Variants in TRDMT1 observed in about 807,000 individuals in gnomAD.
The protein encoded by TRDMT1 is tRNA aspartic acid methyltransferase 1.
TRDMT1 carries 49 observed loss-of-function variants against 51.2 expected under a neutral mutation model. The ratio of observed to expected loss-of-function variants is 0.96; its 90% CI spans 0.76 to 1.21. The LOEUF is 1.21. Among genes scored for constraint, TRDMT1 ranks in the 50% most tolerant of loss-of-function variants. The probability of loss-of-function intolerance (pLI) is 0.00; values close to 1 mark genes in which losing one functional copy is unlikely to be tolerated. For missense variants in TRDMT1, 534 were observed against 462.3 expected (o/e 1.16, Z -1.42); for synonymous variants, 187 against 164.6 (o/e 1.14, Z -1.04).
At chr10:17,195,267 G>A (rs996021899) in intron 1 of TRDMT1, among the ~76,000 whole-genome samples, 27 of 152,206 alleles carry the variant, frequency 1.8e-4, no homozygotes, top group South Asian at 8.3e-4. Context: ...GGAATACTAC[G>A]CAGCCATAAA....
In TRDMT1 at chr10:17,181,539, A is replaced by T. The variant is rs956808755; in HGVS notation, c.65-6879T>A. Among the ~76,000 whole-genome samples, 8 of 152,044 alleles carry T rather than the reference A, an allele frequency of 5.3e-5. 1 individual carries two copies. The highest frequency in any genetic ancestry group is 7.4e-5 in the Non-Finnish European group (5 of 67,970). Reference sequence around the variant, plus strand: ...AAGTGAATTATACTTCCTAAAATCAACTCCAGATTATTACTGATTACCCTC... The same window carrying T: ...AAGTGAATTATACTTCCTAAAATCATCTCCAGATTATTACTGATTACCCTC... On this transcript the variant is annotated intron_variant, in intron 1 of 10. Transcript: ENST00000377799.
chr10:17,156,675 A>T lies in TRDMT1; in HGVS notation c.887+766T>A, dbSNP rs115947225. On this transcript the variant is annotated intron_variant, in intron 8 of 10. Coordinates refer to ENST00000377799, the MANE Select transcript of TRDMT1 (RefSeq NM_004412.7). ...AGGTAACCAGTAAAGTAAATTATAT[A>T]ATATACCTACACCATGAAAACAGAA... 6.0e-3 allele frequency among the ~76,000 whole-genome samples: 909 copies of T among 152,316 alleles called. 5 individuals carry two copies. Among genetic ancestry groups the T allele is most frequent in the African/African-American group, 0.021 (858 of 41,568 alleles).
intron 1 of TRDMT1, among the ~76,000 whole-genome samples, chr10:17,188,014 T>C (rs1056475056): frequency 2.3e-4 from 35 of 152,280 alleles, no homozygotes; most frequent in African/African-American, 8.2e-4. Flanking sequence ...ATTACTATTT[T>C]TACATTAAAA....
intron 8 of TRDMT1, 42 bp from the exon 9 acceptor site, chr10:17,154,776 T>C (rs781581334): frequency 6.6e-7 from 1 of 1,522,866 alleles, no homozygotes; most frequent in Non-Finnish European, 8.9e-7. Flanking sequence ...CTGATGTATG[T>C]GTTAATGCTA....
chr10:17,160,163 A>G (rs1342151968), intron 6 of TRDMT1, 142 bp downstream of exon 6: 7 of 447,396 alleles, frequency 1.6e-5, no homozygotes, highest in Non-Finnish European at 2.7e-5. Flanking sequence ...TTTGGGAAGG[A>G]AGACCCATAA....
chr10:17,142,895 A>G lies in TRDMT1; in HGVS notation c.*6145T>C, dbSNP rs1837798361. On this transcript the variant is annotated 3_prime_UTR_variant, in exon 11 of 11. Coordinates refer to ENST00000377799, the MANE Select transcript of TRDMT1 (RefSeq NM_004412.7). ...ATTCCTCTTGCATTATTTTATAATT[A>G]TACTTACCCAGAGTTTATAATTACA... The G allele has an allele frequency of 1.3e-6, 1 of 759,190 alleles. No homozygotes were observed. The highest frequency in any genetic ancestry group is 1.6e-6 in the Non-Finnish European group (1 of 623,438). The allele number at this position is 759,190 out of a possible 1,614,324, so 47.0% of individuals were successfully genotyped here.
chr10:17,173,985 G>C (rs1276469515), intron 2 of TRDMT1, among the ~76,000 whole-genome samples: 2 of 152,070 alleles, frequency 1.3e-5, no homozygotes, highest in Non-Finnish European at 2.9e-5. Flanking sequence ...GGCTGGTCTC[G>C]AACTCATAAC....
chr10:17,192,127 AGGTGAAAAT>A (rs998211760), intron 1 of TRDMT1, among the ~76,000 whole-genome samples: 1 of 152,192 alleles, frequency 6.6e-6, no homozygotes, highest in African/African-American at 2.4e-5. Context: ...CAGGTGGTAA[AGGTGAAAAT>A]GGAGAGAAAT....
intron 1 of TRDMT1, among the ~76,000 whole-genome samples, chr10:17,180,781 G>T (rs1184937613): frequency 1.3e-5 from 2 of 151,908 alleles, no homozygotes; most frequent in Non-Finnish European, 2.9e-5. Context: ...AAACTACCTA[G>T]CAAAATGCTA....
chr10:17,173,522 T>C (rs966290949), intron 2 of TRDMT1, among the ~76,000 whole-genome samples: 1 of 152,166 alleles, frequency 6.6e-6, no homozygotes, highest in Admixed American at 6.5e-5. Context: ...AGCAGATCCA[T>C]TGTCGCCTGG....
chr10:17,170,493 A>C (rs1445452495), intron 2 of TRDMT1, among the ~76,000 whole-genome samples: 1 of 152,224 alleles, frequency 6.6e-6, no homozygotes, highest in Non-Finnish European at 1.5e-5. Context: ...TCCTGTATTG[A>C]CTGGCAGGTG....
chr10:17,148,961 T>C lies in TRDMT1; in HGVS notation c.*79A>G, dbSNP rs1838348675. ...TAATTTAGTTAAATTTCACCAGAAT[T>C]AGTTCAAAACAGAATTTCAGAATTA... On this transcript the variant is annotated 3_prime_UTR_variant, in exon 11 of 11. Transcript: ENST00000377799. The C allele has an allele frequency of 7.0e-7, 1 of 1,435,138 alleles. No homozygotes were observed. Among genetic ancestry groups the C allele is most frequent in the African/African-American group, 1.4e-5 (1 of 69,058 alleles). The allele number at this position is 1,435,138 out of a possible 1,614,324, so 88.9% of individuals were successfully genotyped here.
chr10:17,149,104 C>A lies in TRDMT1; in HGVS notation c.1112G>T (p.Arg371Leu), dbSNP rs1165127794. Residue 371 changes from arginine to leucine, a missense_variant, in exon 11 of 11, where the codon CGC becomes CTC. Coordinates refer to ENST00000377799, the MANE Select transcript of TRDMT1 (RefSeq NM_004412.7). Reference protein sequence around the residue: ...PEKITVKQRYRLLGNSLNVHV... With the variant: ...PEKITVKQRYLLLGNSLNVHV... Reference sequence around the variant, plus strand: ...CACGTTGAGACTATTTCCAAGTAGGCGATAACGCTGTTTCACTGTTATCTT... The same window carrying A: ...CACGTTGAGACTATTTCCAAGTAGGAGATAACGCTGTTTCACTGTTATCTT... 2.5e-6 allele frequency: 4 copies of A among 1,610,968 alleles called. No individual in the cohort carries two copies. Among genetic ancestry groups the A allele is most frequent in the Non-Finnish European group, 3.4e-6 (4 of 1,178,918 alleles).
At chr10:17,198,939 A>C (rs1233715371) in intron 1 of TRDMT1, among the ~76,000 whole-genome samples, 1 of 152,218 alleles carries the variant, frequency 6.6e-6, no homozygotes, top group Non-Finnish European at 1.5e-5. Flanking sequence ...TAGTAGTTCT[A>C]ACCAGAACAA....
intron 3 of TRDMT1, among the ~76,000 whole-genome samples, chr10:17,166,682 GTTC>G (rs1429642174): frequency 2.0e-5 from 3 of 152,146 alleles, no homozygotes; most frequent in Non-Finnish European, 2.9e-5. Flanking sequence ...GAAATCTTCA[GTTC>G]TTATTTGTCC....
chr10:17,149,759 CT>C (rs1838450343), intron 10 of TRDMT1, among the ~76,000 whole-genome samples: 1 of 152,088 alleles, frequency 6.6e-6, no homozygotes, highest in South Asian at 2.1e-4. Flanking sequence ...TGTCTGGTTT[CT>C]TTCACTAAAC....
chr10:17,157,148 T>G (rs1164677829), intron 8 of TRDMT1, among the ~76,000 whole-genome samples: 1 of 152,174 alleles, frequency 6.6e-6, no homozygotes, highest in African/African-American at 2.4e-5. Flanking sequence ...TAGCAAGTAA[T>G]AGTCTACAGA....
intron 1 of TRDMT1, among the ~76,000 whole-genome samples, chr10:17,177,947 T>C (rs550289353): frequency 2.0e-5 from 3 of 152,138 alleles, no homozygotes; most frequent in Non-Finnish European, 4.4e-5. Flanking sequence ...ATTTACAAGA[T>C]GTAAATGCAA....
intron 1 of TRDMT1, among the ~76,000 whole-genome samples, chr10:17,182,598 G>C (rs1256390554): frequency 6.6e-6 from 1 of 152,150 alleles, no homozygotes; most frequent in Non-Finnish European, 1.5e-5. Flanking sequence ...CTAAATTGAA[G>C]AAAGAAGGTC....
Sources: allele counts gnomAD v4.1 joint callset (sites outside exome capture counted in the v4.1 genomes callset), GRCh38; gene constraint gnomAD v4.1.1; transcripts MANE v1.5; gene names NCBI Gene and HGNC (gene_info 2026-07-23, HGNC 2026-07-21).